CADPS2: variants seen among roughly 807,000 people sequenced by gnomAD.
The protein encoded by CADPS2 is calcium dependent secretion activator 2.
Under a neutral mutation model 172.5 loss-of-function variants are expected in CADPS2, and 93 were observed. The ratio of observed to expected loss-of-function variants is 0.54; its 90% confidence interval spans 0.46 to 0.64. The LOEUF (loss-of-function observed/expected upper bound fraction) is 0.64. Ranked by LOEUF, CADPS2 falls within the 30% of genes least tolerant of loss-of-function variation. The pLI, the probability that CADPS2 is intolerant of heterozygous loss-of-function variation, is 0.00. For synonymous variants in CADPS2, 546 were observed against 555.2 expected, an observed-to-expected ratio of 0.98 and a Z score of 0.23; for missense variants, 1,420 against 1,565.9, an observed-to-expected ratio of 0.91 and a Z score of 1.57.
At chr7:122,411,097 CTCCATCCATCCA>C (rs938054060) in intron 19 of CADPS2, among the ~76,000 whole-genome samples, 5 of 152,014 alleles carry the variant, frequency 3.3e-5, no homozygotes, top group African/African-American at 1.2e-4. Flanking sequence ...CTCTCTCTCT[CTCCATCCATCCA>C]TCCATCCATC....
rs1194958118 is a variant in CADPS2, at chr7:122,352,318, T to C, written c.3505-6637A>G. Among the ~76,000 whole-genome samples the C allele has an allele frequency of 2.0e-5, 3 of 152,216 alleles. No homozygotes were observed. The East Asian group carries it at 5.8e-4, about 29-fold the overall frequency. On this transcript the variant is annotated intron_variant, in intron 27 of 29. Transcript: ENST00000449022. ...CAATTAGAAAATACTACATGAGGACTTGAAGAAGTAAAATTAAAATGCTGC... is the reference window on the plus strand; with the variant it reads ...CAATTAGAAAATACTACATGAGGACCTGAAGAAGTAAAATTAAAATGCTGC...
At chr7:122,343,784 T>C (rs1285981008) in intron 28 of CADPS2, among the ~76,000 whole-genome samples, 1 of 152,084 alleles carries the variant, frequency 6.6e-6, no homozygotes, top group Non-Finnish European at 1.5e-5. Flanking sequence ...GTTTTGAAAA[T>C]CACCACATTA....
Position 122,319,979 on chromosome 7 carries a change from G to A in CADPS2, c.*186C>T. The A allele has an allele frequency of 2.0e-6, 1 of 503,228 alleles. No individual in the cohort carries two copies. Among genetic ancestry groups the A allele is most frequent in the Non-Finnish European group, 3.2e-6 (1 of 316,536 alleles). The allele number at this position is 503,228 out of a possible 1,614,324, so 31.2% of individuals were successfully genotyped here. A position where few individuals can be genotyped will look rare whatever the true frequency, so the allele number is the denominator to read the frequency against. ...CAAACAAACAAACAAACAAAAAAAG[G>A]AAACAAAAAAACCCCAAAATCTTGG... On this transcript the variant is annotated 3_prime_UTR_variant, in exon 30 of 30. Transcript: ENST00000449022.
In CADPS2 at chr7:122,886,252, G is replaced by C. The variant is rs1171370099; in HGVS notation, c.86C>G (p.Ser29Trp). ...AGTCGGGGCTGGAGGAGCTCGCTGC[G>C]AGCTGCCGGCTGCCACCAGCACATC... The part of the protein sequence containing the change: ...SRDVLVAAGS[S>W]QRAPPAPTRE... Residue 29 changes from serine (S) to tryptophan (W), a missense_variant, in exon 1 of 30, where the codon TCG becomes TGG. Transcript: ENST00000449022. 6.7e-7 allele frequency: 1 copy of C among 1,499,514 alleles called. No individual in the cohort carries two copies. The highest frequency in any genetic ancestry group is 8.8e-7 in the Non-Finnish European group (1 of 1,132,252). The allele number at this position is 1,499,514 out of a possible 1,614,324, so 92.9% of individuals were successfully genotyped here.
At chr7:122,711,814 G>A (rs1251206986) in intron 2 of CADPS2, among the ~76,000 whole-genome samples, 3 of 151,762 alleles carry the variant, frequency 2.0e-5, no homozygotes, top group Non-Finnish European at 4.4e-5. Context: ...CACCACACCC[G>A]GCTAATTTTT....
At chr7:122,821,719 C>A (rs1803360672) in intron 1 of CADPS2, among the ~76,000 whole-genome samples, 1 of 152,096 alleles carries the variant, frequency 6.6e-6, no homozygotes, top group Non-Finnish European at 1.5e-5. Flanking sequence ...TTCTGTGAAA[C>A]CTTTATATCC....
intron 28 of CADPS2, among the ~76,000 whole-genome samples, chr7:122,340,516 C>T (rs942488830): frequency 6.6e-6 from 1 of 152,124 alleles, no homozygotes; most frequent in African/African-American, 2.4e-5. Flanking sequence ...ATTCTTGGAC[C>T]TTAGAAAATG....
At chr7:122,323,877 A>T (rs1484703607) in intron 29 of CADPS2, among the ~76,000 whole-genome samples, 7 of 5,224 alleles carry the variant, frequency 1.3e-3, no homozygotes, top group Admixed American at 2.2e-3. Flanking sequence ...TATATTTTAT[A>T]TATATATATA....
chr7:122,766,053 A>C (rs2138913066), intron 1 of CADPS2, among the ~76,000 whole-genome samples: 1 of 152,202 alleles, frequency 6.6e-6, no homozygotes, highest in South Asian at 2.1e-4. Flanking sequence ...CCTTCTGGTG[A>C]GGGTCTCATG....
chr7:122,348,199 A>T (rs1291903352), intron 27 of CADPS2, among the ~76,000 whole-genome samples: 1 of 152,204 alleles, frequency 6.6e-6, no homozygotes, highest in Non-Finnish European at 1.5e-5. Context: ...GTCTCAGTGG[A>T]AACTAAGTTA....
At chr7:122,415,581 C>T (rs1331575312) in intron 18 of CADPS2, among the ~76,000 whole-genome samples, 9 of 136,854 alleles carry the variant, frequency 6.6e-5, no homozygotes, top group Non-Finnish European at 1.1e-4. Context: ...CTATTACCAA[C>T]GAGACAGCAA....
intron 2 of CADPS2, among the ~76,000 whole-genome samples, chr7:122,699,479 G>A (rs531851562): frequency 3.3e-5 from 5 of 152,272 alleles, no homozygotes; most frequent in Admixed American, 1.3e-4. Context: ...GCAGTGACCG[G>A]ATGTGAGGCA....
intron 1 of CADPS2, among the ~76,000 whole-genome samples, chr7:122,861,411 AAT>A (rs2141292107): frequency 6.6e-6 from 1 of 152,310 alleles, no homozygotes. Context: ...TCTTTTGAGA[AAT>A]GTCTATTCAG....
At position 122,827,819 on chromosome 7, in the gene CADPS2, A is replaced by G. The variant is rs534424452; in HGVS notation, c.339+58180T>C. ...AAGTATCACTCATGTCTATAATTGCAAAACTCCTTAAAAAATATCAACAAA... is the reference window on the plus strand; with the variant it reads ...AAGTATCACTCATGTCTATAATTGCGAAACTCCTTAAAAAATATCAACAAA... On this transcript the variant is annotated intron_variant, in intron 1 of 29. Coordinates refer to ENST00000449022, the MANE Select transcript of CADPS2 (RefSeq NM_017954.11). Among the ~76,000 whole-genome samples, 27 of 152,330 alleles carry G rather than the reference A, an allele frequency of 1.8e-4. No individual in the cohort carries two copies. The East Asian group carries it at 5.0e-3, about 28-fold the overall frequency.
intron 28 of CADPS2, among the ~76,000 whole-genome samples, chr7:122,333,071 T>G (rs1000371635): frequency 1.3e-5 from 2 of 152,316 alleles, no homozygotes; most frequent in East Asian, 3.9e-4. Flanking sequence ...GTTAATGGTT[T>G]GGCTCATTGA....
At chr7:122,513,376 A>G in intron 8 of CADPS2, 61 bp from the exon 9 acceptor site, 1 of 1,299,100 alleles carries the variant, frequency 7.7e-7, no homozygotes, top group Admixed American at 2.1e-5. Flanking sequence ...CTTCCATGTA[A>G]TCACATTTCT....
At chr7:122,544,190 G>C (rs190855740) in intron 8 of CADPS2, among the ~76,000 whole-genome samples, 18 of 152,208 alleles carry the variant, frequency 1.2e-4, no homozygotes, top group Admixed American at 2.0e-4. Flanking sequence ...TGTCCATTTT[G>C]ATGAAATGGA....
intron 1 of CADPS2, among the ~76,000 whole-genome samples, chr7:122,744,432 G>T (rs1435503642): frequency 1.3e-5 from 2 of 152,078 alleles, no homozygotes; most frequent in African/African-American, 4.8e-5. Flanking sequence ...AAATACCATG[G>T]TACTATCGTG....
In CADPS2 at chr7:122,362,620, C is replaced by T. The variant is rs188909713; in HGVS notation, c.3388-1607G>A. Among the ~76,000 whole-genome samples the T allele has an allele frequency of 3.9e-4, 60 of 152,224 alleles. 1 individual carries two copies. The highest frequency in any genetic ancestry group is 9.8e-4 in the Admixed American group (15 of 15,280). On this transcript the variant is annotated intron_variant, in intron 25 of 29. Transcript: ENST00000449022. The stretch of plus-strand genomic sequence containing the variant: ...TGCCCTACATCTCTCCTCCTTAGAA[C>T]TAAAATAATATGAACTATTGACACA...
Sources: allele counts gnomAD v4.1 joint callset (sites outside exome capture counted in the v4.1 genomes callset), GRCh38; gene constraint gnomAD v4.1.1; transcripts MANE v1.5; gene names NCBI Gene and HGNC (gene_info 2026-07-23, HGNC 2026-07-21).